The following TP63 variants were observed in gnomAD, a reference collection of about 807,000 sequenced individuals.
The protein encoded by TP63 is tumor protein 63.
Under a neutral mutation model 82.8 loss-of-function variants are expected in TP63, and 17 were observed. The observed-to-expected ratio is 0.21, with a 90% CI of 0.14 to 0.31. The LOEUF is 0.31. Ranked by LOEUF, TP63 falls within the 10% of genes least tolerant of loss-of-function variation. The probability of loss-of-function intolerance (pLI) is 1.00; values close to 1 mark genes in which losing one functional copy is unlikely to be tolerated. For synonymous variants in TP63, 330 were observed against 321.7 expected, an observed-to-expected ratio of 1.03 and a Z score of -0.28; for missense variants, 648 against 895.3, an observed-to-expected ratio of 0.72 and a Z score of 3.52.
At chr3:189,705,284 G>A (rs1338755482) in intron 1 of TP63, among the ~76,000 whole-genome samples, 1 of 152,160 alleles carries the variant, frequency 6.6e-6, no homozygotes, top group East Asian at 1.9e-4. Flanking sequence ...TTCCTCATAT[G>A]TAAAATGGGG....
rs1293946589 is a variant in TP63, at chr3:189,858,131, C to A, written c.580-6101C>A. Among the ~76,000 whole-genome samples the A allele has an allele frequency of 5.7e-4, 8 of 14,028 alleles. No homozygotes were observed. In the South Asian group the frequency reaches 0.013, roughly 24 times the overall value. The allele number at this position is 14,028 out of a possible 152,430, so 9.2% of individuals were successfully genotyped here. A position where few individuals can be genotyped will look rare whatever the true frequency, so the allele number is the denominator to read the frequency against. ...AAGAAAATGTTGTGTATAGGCCGGGCGCGGTGGCTCACGCCTGTAATCCCA... is the reference window on the plus strand; with the variant it reads ...AAGAAAATGTTGTGTATAGGCCGGGAGCGGTGGCTCACGCCTGTAATCCCA... On this transcript the variant is annotated intron_variant, in intron 4 of 13. Transcript: ENST00000264731.
intron 3 of TP63, among the ~76,000 whole-genome samples, chr3:189,787,396 T>G (rs571632898): frequency 6.6e-6 from 1 of 152,252 alleles, no homozygotes; most frequent in East Asian, 1.9e-4. Context: ...GTTAAGTAAC[T>G]TGCCCCAAGG....
chr3:189,778,356 A>G (rs1188221817), intron 3 of TP63, among the ~76,000 whole-genome samples: 1 of 152,254 alleles, frequency 6.6e-6, no homozygotes, highest in Non-Finnish European at 1.5e-5. Flanking sequence ...TATCAATAAA[A>G]TCAAATCAAC....
chr3:189,824,794 TTA>T (rs1322447347), intron 4 of TP63, among the ~76,000 whole-genome samples: 2 of 151,828 alleles, frequency 1.3e-5, no homozygotes, highest in Non-Finnish European at 2.9e-5. Context: ...GTCTCCAGTT[TTA>T]TGAGTCAGTG....
At chr3:189,862,741 T>TA (rs1170695648) in intron 4 of TP63, among the ~76,000 whole-genome samples, 1 of 152,214 alleles carries the variant, frequency 6.6e-6, no homozygotes, top group South Asian at 2.1e-4. Flanking sequence ...AGTCTTTAGT[T>TA]AAAAGCACTA....
intron 10 of TP63, among the ~76,000 whole-genome samples, chr3:189,882,948 T>C (rs1439245379): frequency 6.6e-6 from 1 of 152,238 alleles, no homozygotes; most frequent in Non-Finnish European, 1.5e-5. Context: ...CACTGAATTC[T>C]TAGAAAAATC....
At position 189,738,940 on chromosome 3, in the gene TP63, C is replaced by G. The variant is rs4686525; in HGVS notation, c.324+166C>G. ...GAGAGAAGATTTGGTGTGGATTATG[C>G]ATTCTGGGTCTGCCGCAAATATCTA... On this transcript the variant is annotated intron_variant, in intron 3 of 13. Transcript: ENST00000264731. 594,160 of 979,072 alleles carry G rather than the reference C, an allele frequency of 0.61. 181,928 individuals are homozygous for G. Among genetic ancestry groups the G allele is most frequent in the East Asian group, 0.77 (29,224 of 37,914 alleles). The allele number at this position is 979,072 out of a possible 1,614,324, so 60.6% of individuals were successfully genotyped here.
intron 4 of TP63, among the ~76,000 whole-genome samples, chr3:189,809,915 T>C (rs189073371): frequency 3.3e-5 from 5 of 152,362 alleles, no homozygotes; most frequent in Admixed American, 3.3e-4. Flanking sequence ...CAGAAACTTG[T>C]GTGTAGCTGG....
chr3:189,834,368 A>G (rs571822079), intron 4 of TP63, among the ~76,000 whole-genome samples: 58 of 152,264 alleles, frequency 3.8e-4, no homozygotes, highest in Admixed American at 2.0e-3. Context: ...TTGGGAGGAA[A>G]GACAGGGGAA....
chr3:189,728,780 G>C (rs1462040249), intron 1 of TP63, among the ~76,000 whole-genome samples: 2 of 152,154 alleles, frequency 1.3e-5, no homozygotes, highest in South Asian at 4.1e-4. Context: ...AAAACCATCA[G>C]ATCTCATGAG....
At chr3:189,786,672 G>A (rs542676232) in intron 3 of TP63, among the ~76,000 whole-genome samples, 20 of 152,044 alleles carry the variant, frequency 1.3e-4, no homozygotes, top group African/African-American at 4.8e-4. Context: ...TTTTTACCCA[G>A]GGGGCAGCGT....
chr3:189,689,117 T>C (rs1716702599), intron 1 of TP63, among the ~76,000 whole-genome samples: 3 of 128,446 alleles, frequency 2.3e-5, no homozygotes, highest in Non-Finnish European at 5.0e-5. Flanking sequence ...TTTTTTTTTT[T>C]TTTTTTTTTT....
At chr3:189,794,560 G>GT (rs1431265011) in intron 3 of TP63, among the ~76,000 whole-genome samples, 1 of 151,968 alleles carries the variant, frequency 6.6e-6, no homozygotes, top group Non-Finnish European at 1.5e-5. Context: ...AGTGAATGCT[G>GT]GTACACTCAG....
intron 3 of TP63, among the ~76,000 whole-genome samples, chr3:189,806,766 C>T (rs1033905610): frequency 1.3e-5 from 2 of 151,992 alleles, no homozygotes; most frequent in African/African-American, 2.4e-5. Context: ...ACATGGCATT[C>T]GGCAGTGGAA....
chr3:189,883,001 G>T (rs1169402037), intron 10 of TP63, among the ~76,000 whole-genome samples: 1 of 152,240 alleles, frequency 6.6e-6, no homozygotes, highest in Admixed American at 6.5e-5. Flanking sequence ...TACACCTTAC[G>T]ATTTTTTTCT....
intron 1 of TP63, among the ~76,000 whole-genome samples, chr3:189,706,512 C>A (rs1244040842): frequency 6.6e-6 from 1 of 152,136 alleles, no homozygotes; most frequent in South Asian, 2.1e-4. Context: ...CCTCGGCCTC[C>A]CAGAGTGCTG....
intron 1 of TP63, among the ~76,000 whole-genome samples, chr3:189,704,292 T>A (rs138888744): frequency 4.6e-5 from 7 of 152,372 alleles, no homozygotes; most frequent in Non-Finnish European, 8.8e-5. Flanking sequence ...AATGTTCTTT[T>A]TCTGGTTCTC....
chr3:189,763,204 G>A (rs1722708086), intron 3 of TP63, among the ~76,000 whole-genome samples: 1 of 152,100 alleles, frequency 6.6e-6, no homozygotes, highest in African/African-American at 2.4e-5. Context: ...AGCCTGGGAG[G>A]TCAAGGCTGC....
At chr3:189,846,642 GTGTC>G (rs956949887) in intron 4 of TP63, among the ~76,000 whole-genome samples, 8 of 128,070 alleles carry the variant, frequency 6.2e-5, no homozygotes, top group Non-Finnish European at 3.3e-5. Flanking sequence ...GTGTGTGTGT[GTGTC>G]ATCAGAAAGA....
Sources: gnomAD v4.1 joint callset for allele counts (sites outside exome capture counted in the v4.1 genomes callset) on GRCh38, gnomAD v4.1.1 for gene constraint, MANE v1.5 for transcripts, NCBI Gene and HGNC (gene_info 2026-07-23, HGNC 2026-07-21) for gene names.